ALPK2: variants seen among roughly 807,000 people sequenced by gnomAD.
The protein encoded by ALPK2 is alpha-protein kinase 2.
ALPK2 carries 127 observed loss-of-function variants against 163.1 expected under a neutral mutation model. The ratio of observed to expected loss-of-function variants is 0.78; its 90% CI spans 0.67 to 0.90. ALPK2 has a LOEUF of 0.90. Ranked by LOEUF, ALPK2 falls within the 40% of genes least tolerant of loss-of-function variation. ALPK2 has a pLI of 0.00. For missense variants in ALPK2, 2,360 were observed against 2,589.6 expected (o/e 0.91, Z 1.92); for synonymous variants, 953 against 959.1 (o/e 0.99, Z 0.12).
chr18:58,591,143 A>G (rs2052012875), intron 3 of ALPK2, among the ~76,000 whole-genome samples: 1 of 152,074 alleles, frequency 6.6e-6, no homozygotes, highest in African/African-American at 2.4e-5. Flanking sequence ...TGCCCAGGAG[A>G]TAGTGGCTCT....
intron 4 of ALPK2, among the ~76,000 whole-genome samples, chr18:58,577,512 A>G (rs1294961363): frequency 6.6e-6 from 1 of 152,212 alleles, no homozygotes; most frequent in Admixed American, 6.5e-5. Flanking sequence ...AAAAATTAAC[A>G]TTGTCACTTT....
intron 4 of ALPK2, among the ~76,000 whole-genome samples, chr18:58,573,362 G>A (rs1335415973): frequency 2.2e-5 from 3 of 134,968 alleles, no homozygotes; most frequent in Non-Finnish European, 3.2e-5. Context: ...ATATATGTGT[G>A]TGTATATATA....
chr18:58,585,009 A>G (rs2051978349), intron 3 of ALPK2, among the ~76,000 whole-genome samples: 1 of 152,210 alleles, frequency 6.6e-6, no homozygotes, highest in Admixed American at 6.5e-5. Context: ...GGAAGCAGTA[A>G]CATTCCTCTC....
intron 1 of ALPK2, among the ~76,000 whole-genome samples, chr18:58,628,053 C>T (rs1436212564): frequency 6.6e-6 from 1 of 152,144 alleles, no homozygotes; most frequent in African/African-American, 2.4e-5. Context: ...AACTGACACC[C>T]TTAATCAAGG....
At position 58,535,250 on chromosome 18, in the gene ALPK2, G is replaced by A. The variant is rs1274562539; in HGVS notation, c.4937C>T (p.Ser1646Phe). The change falls in exon 5 of 13, where the codon TCT becomes TTT. Residue 1646 changes from serine (S) to phenylalanine (F), a missense_variant. Coordinates refer to ENST00000361673, the MANE Select transcript of ALPK2 (RefSeq NM_052947.4). The part of the protein sequence containing the change: ...QIGETKPPSS[S>F]SSSAKTLAFI... ...TGCCAAGGTCTTCGCTGAGGAGCTA[G>A]ATGAGCTTGGGGGTTTGGTTTCCCC... 6.2e-6 allele frequency: 10 copies of A among 1,614,150 alleles called. No individual in the cohort carries two copies. The highest frequency in any genetic ancestry group is 7.6e-6 in the Non-Finnish European group (9 of 1,180,014).
At chr18:58,573,382 G>GTATA (rs199640953) in intron 4 of ALPK2, among the ~76,000 whole-genome samples, 6 of 138,588 alleles carry the variant, frequency 4.3e-5, no homozygotes, top group Admixed American at 7.3e-5. Flanking sequence ...ATATGTGTGT[G>GTATA]TATATATATA....
chr18:58,502,843 G>A (rs2051439631), intron 11 of ALPK2, among the ~76,000 whole-genome samples: 1 of 152,234 alleles, frequency 6.6e-6, no homozygotes, highest in South Asian at 2.1e-4. Flanking sequence ...ACAAGTGCAA[G>A]GGAGGTAATG....
At chr18:58,561,369 A>G (rs2051824839) in intron 4 of ALPK2, among the ~76,000 whole-genome samples, 1 of 152,246 alleles carries the variant, frequency 6.6e-6, no homozygotes, top group African/African-American at 2.4e-5. Context: ...GGAATGGGCC[A>G]GAATCCTTTA....
chr18:58,612,994 G>A (rs2052141394), intron 1 of ALPK2, among the ~76,000 whole-genome samples: 1 of 152,214 alleles, frequency 6.6e-6, no homozygotes, highest in African/African-American at 2.4e-5. Flanking sequence ...CCCCAAAGCA[G>A]ACACCTGAGC....
At chr18:58,487,453 G>A (rs1240826298) in intron 12 of ALPK2, among the ~76,000 whole-genome samples, 1 of 152,188 alleles carries the variant, frequency 6.6e-6, no homozygotes, top group Non-Finnish European at 1.5e-5. Context: ...CCCCAGAACT[G>A]TGAGACAATC....
At chr18:58,512,826 GGTGT>G (rs200994285) in intron 10 of ALPK2, among the ~76,000 whole-genome samples, 139 of 140,282 alleles carry the variant, frequency 9.9e-4, no homozygotes, top group African/African-American at 2.3e-3. Context: ...GCATGTATGA[GGTGT>G]GTGTGTGTGT....
chr18:58,616,460 C>T (rs992551878), intron 1 of ALPK2, among the ~76,000 whole-genome samples: 3 of 152,224 alleles, frequency 2.0e-5, no homozygotes, highest in Admixed American at 1.3e-4. Flanking sequence ...AAAGTCTGAA[C>T]AGACAGGCCT....
chr18:58,545,936 C>T (rs966510922), intron 4 of ALPK2, among the ~76,000 whole-genome samples: 7 of 152,156 alleles, frequency 4.6e-5, no homozygotes, highest in African/African-American at 9.7e-5. Context: ...GAGCGTCATT[C>T]GGCCATTTGT....
chr18:58,627,508 C>A (rs1029096496), intron 1 of ALPK2, among the ~76,000 whole-genome samples: 1 of 152,094 alleles, frequency 6.6e-6, no homozygotes, highest in African/African-American at 2.4e-5. Context: ...CCCGTAATGC[C>A]ACCTACTTTG....
chr18:58,485,388 G>A (rs896773780), intron 12 of ALPK2, among the ~76,000 whole-genome samples: 1 of 152,130 alleles, frequency 6.6e-6, no homozygotes, highest in Admixed American at 6.5e-5. Flanking sequence ...TCTTAAGGGC[G>A]TGAAAGGTTT....
chr18:58,511,147 G>A (rs906146735), intron 10 of ALPK2, among the ~76,000 whole-genome samples: 1 of 151,996 alleles, frequency 6.6e-6, no homozygotes, highest in Non-Finnish European at 1.5e-5. Context: ...AGATAATCAT[G>A]TGGTTTTTGT....
rs775895665 is a variant in ALPK2, at chr18:58,579,279, C to G, written c.1497G>C (p.Leu499Phe). ...TCCCTGAGTTTTCTGACTCACCAGA[C>G]AAGAGCTTCATCTCTGTCTCTCTTA... ...ESVRETEMKL[L>F]SGESENSGMS... The change falls in exon 4 of 13, where the codon TTG (leucine) becomes TTC (phenylalanine). Residue 499 changes from leucine (L) to phenylalanine (F), a missense_variant. Physicochemically the swap from Leu to Phe is conservative, Grantham distance 22. Coordinates refer to ENST00000361673, the MANE Select transcript of ALPK2 (RefSeq NM_052947.4). The G allele has an allele frequency of 1.2e-6, 2 of 1,614,202 alleles. No homozygotes were observed. Among genetic ancestry groups the G allele is most frequent in the South Asian group, 2.2e-5 (2 of 91,086 alleles).
chr18:58,485,111 C>G (rs1384248122), intron 12 of ALPK2, among the ~76,000 whole-genome samples: 1 of 152,246 alleles, frequency 6.6e-6, no homozygotes, highest in African/African-American at 2.4e-5. Flanking sequence ...CAGGGCCCTT[C>G]TGAGTGTGAG....
At chr18:58,578,709 T>C (rs1426210666) in intron 4 of ALPK2, 105 bp downstream of exon 4, 1 of 603,694 alleles carries the variant, frequency 1.7e-6, no homozygotes, top group Non-Finnish European at 2.2e-6. Flanking sequence ...GGTATAGCAA[T>C]TGTGAATGTG....
Sources: gnomAD v4.1 joint callset for allele counts (sites outside exome capture counted in the v4.1 genomes callset) on GRCh38, gnomAD v4.1.1 for gene constraint, MANE v1.5 for transcripts, NCBI Gene and HGNC (gene_info 2026-07-23, HGNC 2026-07-21) for gene names.